Variants in MAGI2 observed in about 807,000 individuals in gnomAD.
MAGI2 encodes the protein membrane-associated guanylate kinase, WW and PDZ domain-containing protein 2.
A neutral mutation model predicts 133.3 loss-of-function variants in MAGI2; 35 were observed. That is an observed-to-expected ratio of 0.26 (90% CI 0.20 to 0.35). MAGI2 has a LOEUF of 0.35. Ranked by LOEUF, MAGI2 falls within the 10% of genes least tolerant of loss-of-function variation. The probability of loss-of-function intolerance (pLI) is 1.00; values close to 1 mark genes in which losing one functional copy is unlikely to be tolerated. For synonymous variants in MAGI2, 729 were observed against 710.6 expected, an observed-to-expected ratio of 1.03 and a Z score of -0.41; for missense variants, 1,636 against 1,863.4, an observed-to-expected ratio of 0.88 and a Z score of 2.25.
intron 3 of MAGI2, among the ~76,000 whole-genome samples, chr7:78,601,650 G>T (rs1805223521): frequency 6.6e-6 from 1 of 151,970 alleles, no homozygotes; most frequent in South Asian, 2.1e-4. Context: ...AGCTTTGTGG[G>T]TAATTCGATG....
chr7:78,757,277 TCCTC>T (rs931066353), intron 2 of MAGI2, among the ~76,000 whole-genome samples: 11 of 147,406 alleles, frequency 7.5e-5, no homozygotes, highest in African/African-American at 2.2e-4. Flanking sequence ...AAATCTCCCC[TCCTC>T]CCTCCCTCCC....
At chr7:78,481,686 T>C (rs933492990) in intron 6 of MAGI2, among the ~76,000 whole-genome samples, 13 of 150,464 alleles carry the variant, frequency 8.6e-5, no homozygotes, top group Admixed American at 5.3e-4. Flanking sequence ...CAAATGGTGC[T>C]GGAACAGTTC....
At chr7:78,431,854 A>G (rs1215280771) in intron 6 of MAGI2, among the ~76,000 whole-genome samples, 4 of 152,084 alleles carry the variant, frequency 2.6e-5, no homozygotes, top group Non-Finnish European at 5.9e-5. Flanking sequence ...AGACATAAGT[A>G]AAAGTTGAAA....
rs75903272 is a variant in MAGI2, at chr7:78,719,162, A to G, written c.419-91923T>C. On this transcript the variant is annotated intron_variant, in intron 2 of 21. Transcript: ENST00000354212. Reference sequence around the variant, plus strand: ...CAGTTTCCCTATACCTTCTATGTGAACCAATTAATAGGATGTTAAAGAAAA... The same window carrying G: ...CAGTTTCCCTATACCTTCTATGTGAGCCAATTAATAGGATGTTAAAGAAAA... Among the ~76,000 whole-genome samples the G allele has an allele frequency of 1.8e-3, 278 of 152,286 alleles. 8 individuals carry two copies. In the East Asian group the frequency reaches 0.048, roughly 26 times the overall value.
At chr7:79,216,728 C>A (rs1032589552) in intron 1 of MAGI2, among the ~76,000 whole-genome samples, 9 of 152,068 alleles carry the variant, frequency 5.9e-5, no homozygotes, top group African/African-American at 2.2e-4. Flanking sequence ...TATGCATATA[C>A]ACACATTAAT....
chr7:78,206,303 T>C (rs1430785329), intron 10 of MAGI2, among the ~76,000 whole-genome samples: 1 of 151,026 alleles, frequency 6.6e-6, no homozygotes, highest in Non-Finnish European at 1.5e-5. Flanking sequence ...TCTTTTTTTT[T>C]TTTTTTGAGA....
intron 1 of MAGI2, among the ~76,000 whole-genome samples, chr7:79,377,957 AT>A (rs774292092): frequency 1.3e-3 from 194 of 152,016 alleles, no homozygotes; most frequent in Non-Finnish European, 2.0e-3. Context: ...GTGTCAAAAA[AT>A]ACAGTTCATT....
intron 1 of MAGI2, among the ~76,000 whole-genome samples, chr7:79,264,226 G>T (rs760394890): frequency 6.6e-6 from 1 of 152,098 alleles, no homozygotes; most frequent in African/African-American, 2.4e-5. Context: ...AGATAGTGCA[G>T]ATCTATATTC....
intron 2 of MAGI2, among the ~76,000 whole-genome samples, chr7:78,953,751 G>A (rs190956240): frequency 5.9e-4 from 90 of 152,134 alleles, no homozygotes; most frequent in African/African-American, 1.8e-3. Context: ...TGAGATCGCC[G>A]ATCATTTTAA....
intron 1 of MAGI2, among the ~76,000 whole-genome samples, chr7:79,212,808 CA>C (rs909976297): frequency 2.6e-5 from 4 of 151,976 alleles, no homozygotes; most frequent in African/African-American, 9.7e-5. Context: ...CAAAACAAAA[CA>C]AAACAAAACA....
intron 1 of MAGI2, among the ~76,000 whole-genome samples, chr7:79,442,487 T>TGTGTGTG (rs1848559541): frequency 4.6e-5 from 7 of 150,842 alleles, no homozygotes; most frequent in South Asian, 2.1e-4. Context: ...TGTGTGTGTG[T>TGTGTGTG]TCCATGTATC....
intron 2 of MAGI2, among the ~76,000 whole-genome samples, chr7:78,842,179 A>C (rs1169323054): frequency 5.9e-5 from 9 of 151,970 alleles, no homozygotes; most frequent in Admixed American, 4.6e-4. Context: ...ACAAGTAATA[A>C]ATAATCACAA....
At chr7:78,573,365 A>AAAATATATATATATATATATATATATAT (rs1320390413) in intron 3 of MAGI2, among the ~76,000 whole-genome samples, 3 of 29,048 alleles carry the variant, frequency 1.0e-4, no homozygotes, top group African/African-American at 5.5e-4. Context: ...GAATCCTGGA[A>AAAATATATATATATATATATATATATAT]ATATATATAT....
chr7:78,979,351 T>TC (rs144400619), intron 2 of MAGI2, among the ~76,000 whole-genome samples: 8,068 of 149,480 alleles, frequency 0.054, 274 homozygotes, highest in South Asian at 0.093. Flanking sequence ...GTCAAAAAAG[T>TC]CCCCCCCCAG....
intron 6 of MAGI2, among the ~76,000 whole-genome samples, chr7:78,388,825 C>T (rs1212119107): frequency 6.6e-6 from 1 of 152,040 alleles, no homozygotes; most frequent in African/African-American, 2.4e-5. Context: ...ACAAGCAAGA[C>T]AATTATTTCA....
intron 1 of MAGI2, among the ~76,000 whole-genome samples, chr7:79,054,071 C>T (rs1248560997): frequency 6.6e-6 from 1 of 152,134 alleles, no homozygotes; most frequent in Non-Finnish European, 1.5e-5. Context: ...TGGCTGGCGC[C>T]TGTAGTCCCA....
chr7:78,580,729 C>G (rs558541152), intron 3 of MAGI2, among the ~76,000 whole-genome samples: 1 of 152,260 alleles, frequency 6.6e-6, no homozygotes, highest in South Asian at 2.1e-4. Flanking sequence ...CCATTCAGAT[C>G]AGAAAGACTA....
chr7:79,196,341 A>G (rs1275368211), intron 1 of MAGI2, among the ~76,000 whole-genome samples: 1 of 152,020 alleles, frequency 6.6e-6, no homozygotes, highest in Non-Finnish European at 1.5e-5. Context: ...ACATGTACCC[A>G]CTTTTTGAAA....
At chr7:78,415,683 A>G (rs2151387596) in intron 6 of MAGI2, among the ~76,000 whole-genome samples, 2 of 152,218 alleles carry the variant, frequency 1.3e-5, no homozygotes, top group Middle Eastern at 6.8e-3. Flanking sequence ...AGACATCCTC[A>G]GCTTCACACA....
Sources: allele counts gnomAD v4.1 joint callset (sites outside exome capture counted in the v4.1 genomes callset), GRCh38; gene constraint gnomAD v4.1.1; transcripts MANE v1.5; gene names NCBI Gene and HGNC (gene_info 2026-07-23, HGNC 2026-07-21).